Variants in PRKN observed in about 807,000 individuals in gnomAD.
PRKN encodes the protein E3 ubiquitin-protein ligase parkin.
Under a neutral mutation model 59.5 loss-of-function variants are expected in PRKN, and 56 were observed. That is an observed-to-expected ratio of 0.94 (90% confidence interval 0.76 to 1.18). The LOEUF is 1.18. PRKN is among the 50% of genes most tolerant of loss of function. The pLI is 0.00. For missense variants in PRKN, 657 were observed against 596.4 expected (o/e 1.10, Z -1.06); for synonymous variants, 250 against 222.1 (o/e 1.13, Z -1.12).
chr6:161,757,068 G>T (rs1162749151), intron 7 of PRKN, among the ~76,000 whole-genome samples: 5 of 152,040 alleles, frequency 3.3e-5, no homozygotes, highest in East Asian at 1.9e-4. Flanking sequence ...TTCCTAACTT[G>T]TATCATACAC....
chr6:161,408,374 A>T (rs1330844611), intron 9 of PRKN, among the ~76,000 whole-genome samples: 1 of 150,960 alleles, frequency 6.6e-6, no homozygotes, highest in African/African-American at 2.4e-5. Context: ...AAAATTGCGG[A>T]CATGTGGGTT....
intron 5 of PRKN, among the ~76,000 whole-genome samples, chr6:161,980,024 A>G (rs1781202248): frequency 6.6e-6 from 1 of 152,204 alleles, no homozygotes; most frequent in Admixed American, 6.5e-5. Flanking sequence ...CCCAAATACA[A>G]TTTGATAGAT....
chr6:162,477,522 C>A (rs1321830934), intron 1 of PRKN, among the ~76,000 whole-genome samples: 1 of 152,200 alleles, frequency 6.6e-6, no homozygotes. Context: ...TACACAGGGT[C>A]ATTTTGCCAG....
intron 7 of PRKN, among the ~76,000 whole-genome samples, chr6:161,740,486 T>C (rs376374412): frequency 1.1e-4 from 17 of 152,216 alleles, no homozygotes; most frequent in African/African-American, 4.1e-4. Context: ...TCTAATCACT[T>C]GATCCAGACA....
chr6:161,659,161 T>C (rs1784457215), intron 7 of PRKN, among the ~76,000 whole-genome samples: 1 of 152,226 alleles, frequency 6.6e-6, no homozygotes, highest in Non-Finnish European at 1.5e-5. Flanking sequence ...GAAGATGTGG[T>C]TTATATAGCA....
chr6:162,116,864 AC>A (rs1252159097), intron 4 of PRKN, among the ~76,000 whole-genome samples: 1 of 152,206 alleles, frequency 6.6e-6, no homozygotes, highest in Non-Finnish European at 1.5e-5. Flanking sequence ...AATACTTTGC[AC>A]CAGACTGCAA....
chr6:162,492,407 C>T (rs369918727), intron 1 of PRKN, among the ~76,000 whole-genome samples: 1 of 152,190 alleles, frequency 6.6e-6, no homozygotes, highest in African/African-American at 2.4e-5. Context: ...GTGCTGAGAG[C>T]CACCTCTCTT....
intron 9 of PRKN, among the ~76,000 whole-genome samples, chr6:161,436,304 G>A (rs1336019784): frequency 7.3e-5 from 10 of 137,006 alleles, no homozygotes; most frequent in African/African-American, 2.0e-4. Flanking sequence ...AGCAGGGGCC[G>A]GGATGGGAGG....
At chr6:162,515,858 C>G (rs1463868819) in intron 1 of PRKN, among the ~76,000 whole-genome samples, 1 of 151,986 alleles carries the variant, frequency 6.6e-6, no homozygotes, top group Admixed American at 6.6e-5. Flanking sequence ...CTAGAAAGTT[C>G]CTAAAGGAGC....
chr6:161,915,577 C>G (rs892471640), intron 6 of PRKN, among the ~76,000 whole-genome samples: 1 of 152,150 alleles, frequency 6.6e-6, no homozygotes, highest in Non-Finnish European at 1.5e-5. Context: ...TTGATCTCTG[C>G]TATGCGTGAG....
At chr6:162,314,485 C>T (rs1250764942) in intron 2 of PRKN, among the ~76,000 whole-genome samples, 2 of 152,048 alleles carry the variant, frequency 1.3e-5, no homozygotes, top group Non-Finnish European at 2.9e-5. Flanking sequence ...TAAACAGATG[C>T]CTTAACATTT....
chr6:162,507,438 T>C (rs1241876792), intron 1 of PRKN, among the ~76,000 whole-genome samples: 1 of 152,048 alleles, frequency 6.6e-6, no homozygotes, highest in Non-Finnish European at 1.5e-5. Context: ...AAAAATTATA[T>C]ATATATACGC....
intron 1 of PRKN, among the ~76,000 whole-genome samples, chr6:162,623,558 A>C (rs767781483): frequency 2.0e-5 from 3 of 152,178 alleles, no homozygotes; most frequent in Non-Finnish European, 4.4e-5. Context: ...CATTTTCCCA[A>C]GGAGAGTTCA....
chr6:161,556,478 T>C (rs576278635), intron 8 of PRKN, among the ~76,000 whole-genome samples: 1 of 152,202 alleles, frequency 6.6e-6, no homozygotes, highest in Non-Finnish European at 1.5e-5. Flanking sequence ...GCAAAGATCC[T>C]TACTAAGTTA....
At chr6:162,425,918 G>T (rs1789217870) in intron 2 of PRKN, among the ~76,000 whole-genome samples, 1 of 152,200 alleles carries the variant, frequency 6.6e-6, no homozygotes, top group African/African-American at 2.4e-5. Flanking sequence ...CTGAACGCAT[G>T]GATGTGATAG....
chr6:161,807,646 TC>T (rs1442736605), intron 6 of PRKN, among the ~76,000 whole-genome samples: 7 of 152,286 alleles, frequency 4.6e-5, no homozygotes, highest in Admixed American at 6.5e-5. Flanking sequence ...TGGAGATGCC[TC>T]CCTCCAGTCT....
chr6:161,381,513 T>G (rs1459759734), intron 10 of PRKN, among the ~76,000 whole-genome samples: 1 of 152,204 alleles, frequency 6.6e-6, no homozygotes, highest in Non-Finnish European at 1.5e-5. Context: ...CCAAGCAAAT[T>G]ATTATATTTA....
intron 6 of PRKN, among the ~76,000 whole-genome samples, chr6:161,936,112 A>G (rs1284531568): frequency 6.6e-6 from 1 of 152,194 alleles, no homozygotes; most frequent in Non-Finnish European, 1.5e-5. Context: ...TACCAGTACA[A>G]TCCTGAAGAC....
intron 6 of PRKN, among the ~76,000 whole-genome samples, chr6:161,963,740 T>C (rs916445879): frequency 1.1e-4 from 16 of 152,264 alleles, no homozygotes; most frequent in African/African-American, 3.9e-4. Flanking sequence ...GAAAATAGTT[T>C]GCTTTCTGTT....
Sources: gnomAD v4.1 joint callset for allele counts (sites outside exome capture counted in the v4.1 genomes callset) on GRCh38, gnomAD v4.1.1 for gene constraint, MANE v1.5 for transcripts, NCBI Gene and HGNC (gene_info 2026-07-23, HGNC 2026-07-21) for gene names.